ITSN2: variants seen among roughly 807,000 people sequenced by gnomAD.
The protein encoded by ITSN2 is intersectin-2.
ITSN2 carries 156 observed loss-of-function variants against 243.7 expected under a neutral mutation model. The ratio of observed to expected loss-of-function variants is 0.64; its 90% CI spans 0.56 to 0.73. The LOEUF is 0.73. Among genes scored for constraint, ITSN2 ranks in the 30% least tolerant of loss-of-function variants. The pLI is 0.00. For missense variants in ITSN2, 1,801 were observed against 1,996.1 expected, an observed-to-expected ratio of 0.90 and a Z score of 1.86; for synonymous variants, 703 against 699.9, an observed-to-expected ratio of 1.00 and a Z score of -0.07.
At chr2:24,304,032 C>T (rs1558589839) in intron 8 of ITSN2, among the ~76,000 whole-genome samples, 170 bp from the exon 9 acceptor site, 1 of 152,246 alleles carries the variant, frequency 6.6e-6, no homozygotes, top group East Asian at 1.9e-4. Context: ...GCAATTAAAC[C>T]CAGTCACTGC....
chr2:24,325,887 AAGT>A (rs563502522), intron 2 of ITSN2, among the ~76,000 whole-genome samples: 3 of 152,084 alleles, frequency 2.0e-5, no homozygotes, highest in Non-Finnish European at 2.9e-5. Flanking sequence ...CTCATTCAGT[AAGT>A]AGTCTCATCT....
At chr2:24,326,830 T>C (rs1685206901) in intron 2 of ITSN2, 1 of 168,426 alleles carries the variant, frequency 5.9e-6, no homozygotes, top group African/African-American at 2.4e-5. Context: ...CATAAAACTT[T>C]AGATATACAA....
At chr2:24,280,026 C>A (rs997155759) in intron 17 of ITSN2, among the ~76,000 whole-genome samples, 1 of 152,126 alleles carries the variant, frequency 6.6e-6, no homozygotes, top group Non-Finnish European at 1.5e-5. Flanking sequence ...GCCACAGTAC[C>A]TGGCCAGATG....
At chr2:24,222,668 CTTTTTTTTTTTT>C (rs56149622) in intron 29 of ITSN2, among the ~76,000 whole-genome samples, 9 of 77,268 alleles carry the variant, frequency 1.2e-4, no homozygotes, top group South Asian at 4.8e-4. Flanking sequence ...TTTTTCTTTT[CTTTTTTTTTTTT>C]TTTTTTTTTT....
intron 1 of ITSN2, among the ~76,000 whole-genome samples, chr2:24,347,035 T>C (rs1687601515): frequency 6.6e-6 from 1 of 152,048 alleles, no homozygotes; most frequent in African/African-American, 2.4e-5. Flanking sequence ...CAGCTAATTT[T>C]TTTTGTACTA....
chr2:24,308,753 T>C lies in ITSN2; in HGVS notation c.657A>G (p.Ser219=). The part of the protein sequence containing the change: ...QSLIDLGSSS[S]TSSTASLSGN... ...CTGAGAGTGAAGCAGTCGAGGAAGTTGAGCTATAAAAAAATTTATTTAAAA... is the reference window on the plus strand; with the variant it reads ...CTGAGAGTGAAGCAGTCGAGGAAGTCGAGCTATAAAAAAATTTATTTAAAA... Residue 219 remains serine, a synonymous_variant, in exon 8 of 40, where the codon TCA becomes TCG. Coordinates refer to ENST00000355123, the MANE Select transcript of ITSN2 (RefSeq NM_006277.3). The C allele has an allele frequency of 7.2e-7, 1 of 1,397,374 alleles. No individual in the cohort carries two copies. Among genetic ancestry groups the C allele is most frequent in the Non-Finnish European group, 9.4e-7 (1 of 1,069,232 alleles). 86.6% of individuals were successfully genotyped at this position (1,397,374 alleles called of 1,614,324 possible). A position where few individuals can be genotyped will look rare whatever the true frequency, so the allele number is the denominator to read the frequency against.
chr2:24,295,202 T>C (rs1248598652), intron 14 of ITSN2, among the ~76,000 whole-genome samples: 1 of 152,234 alleles, frequency 6.6e-6, no homozygotes, highest in Non-Finnish European at 1.5e-5. Flanking sequence ...AGTAGGTCTA[T>C]GGACTTCCTG....
chr2:24,209,774 C>A, intron 35 of ITSN2, 44 bp downstream of exon 35: 3 of 1,466,186 alleles, frequency 2.0e-6, no homozygotes, highest in Admixed American at 1.7e-5. Context: ...AGAGGCAACA[C>A]CTCATTAGGC....
chr2:24,334,472 A>T, intron 1 of ITSN2: 1 of 642,160 alleles, frequency 1.6e-6, no homozygotes, highest in Non-Finnish European at 2.9e-6. Context: ...TTACAGAAAG[A>T]ATTACAATTA....
intron 2 of ITSN2, among the ~76,000 whole-genome samples, chr2:24,318,183 T>C (rs1055539927): frequency 9.9e-5 from 15 of 152,198 alleles, no homozygotes; most frequent in Non-Finnish European, 2.9e-5. Context: ...GGTCTCACTC[T>C]GTTGCCCAGG....
intron 1 of ITSN2, chr2:24,334,504 AT>A (rs1431770607): frequency 3.2e-5 from 23 of 726,650 alleles, no homozygotes; most frequent in Admixed American, 8.8e-5. Flanking sequence ...AATAGCGCTC[AT>A]GCAAACATGG....
chr2:24,306,316 ACCT>A (rs1283363820), intron 8 of ITSN2, among the ~76,000 whole-genome samples: 2 of 152,064 alleles, frequency 1.3e-5, no homozygotes, highest in Non-Finnish European at 2.9e-5. Context: ...GCACATACAC[ACCT>A]GTATCAAGAT....
chr2:24,272,025 C>T (rs1333094792), intron 18 of ITSN2, 84 bp from the exon 19 acceptor site: 1 of 1,165,492 alleles, frequency 8.6e-7, no homozygotes, highest in Non-Finnish European at 1.2e-6. Context: ...TGGTTCCTGT[C>T]AAGGTGAAGA....
At chr2:24,236,681 T>C (rs1672196021) in intron 29 of ITSN2, among the ~76,000 whole-genome samples, 1 of 149,602 alleles carries the variant, frequency 6.7e-6, no homozygotes, top group Non-Finnish European at 1.5e-5. Flanking sequence ...TTCTTTTTTT[T>C]TTTTTGGACA....
chr2:24,204,335 A>C lies in ITSN2; in HGVS notation c.4846T>G (p.Trp1616Gly). ...RTIQDTLNPK[W>G]NFNCQFFIKD... Reference sequence around the variant, plus strand: ...ATAAAGAACTGGCAGTTAAAATTCCACTTGGGATTGAGTGTGTCCTGGATG... The same window carrying C: ...ATAAAGAACTGGCAGTTAAAATTCCCCTTGGGATTGAGTGTGTCCTGGATG... The change falls in exon 39 of 40, where the codon TGG becomes GGG. Residue 1616 changes from tryptophan (W) to glycine (G), a missense_variant. By Grantham distance (184) the Trp-to-Gly change is radical (BLOSUM62 -2). This residue lies in a region of ITSN2 where 928 missense variants were observed against 1,065.4 expected (regional missense o/e 0.87). Coordinates refer to ENST00000355123, the MANE Select transcript of ITSN2 (RefSeq NM_006277.3). The surrounding 1 kb of genome is among the most constrained non-coding windows in gnomAD (Gnocchi z 5.1). 1 of 1,614,090 alleles carries C rather than the reference A, an allele frequency of 6.2e-7. No individual in the cohort carries two copies. The highest frequency in any genetic ancestry group is 8.5e-7 in the Non-Finnish European group (1 of 1,179,986).
intron 2 of ITSN2, among the ~76,000 whole-genome samples, chr2:24,317,402 C>T (rs537458828): frequency 4.7e-5 from 7 of 148,516 alleles, no homozygotes; most frequent in Admixed American, 1.3e-4. Flanking sequence ...AAAAAAAAAG[C>T]GGCAACTATC....
At chr2:24,247,174 G>A (rs1673488776) in intron 27 of ITSN2, among the ~76,000 whole-genome samples, 1 of 152,092 alleles carries the variant, frequency 6.6e-6, no homozygotes, top group Non-Finnish European at 1.5e-5. Flanking sequence ...ACCTTGGTAG[G>A]GGATGGAGAC....
chr2:24,253,613 C>G (rs1674638439), intron 24 of ITSN2, among the ~76,000 whole-genome samples: 1 of 152,226 alleles, frequency 6.6e-6, no homozygotes, highest in Non-Finnish European at 1.5e-5. Context: ...GTTTTGTTCG[C>G]TCATTAAAGA....
chr2:24,204,297 G>C lies in ITSN2; in HGVS notation c.4884C>G (p.Tyr1628Ter). ...FNCQFFIKDL[Y>*]QDVLCLTLFD... is the part of the protein sequence containing the mutation. ...ACAGGGTGAGACACAGCACGTCTTG[G>C]TAGAGATCCTTAATAAAGAACTGGC... The change falls in exon 39 of 40, where the codon TAC (tyrosine) becomes TAG (stop). Residue 1628 changes from tyrosine to a stop codon, truncating the protein, a stop_gained. Transcript: ENST00000355123. LOFTEE classifies it high-confidence loss of function. This position sits in a 1 kb window ranked among gnomAD's most constrained non-coding sequence, Gnocchi z 5.1. The C allele has an allele frequency of 6.2e-7, 1 of 1,614,146 alleles. No individual in the cohort carries two copies. Among genetic ancestry groups the C allele is most frequent in the Non-Finnish European group, 8.5e-7 (1 of 1,180,014 alleles).
Sources: allele counts gnomAD v4.1 joint callset (sites outside exome capture counted in the v4.1 genomes callset), GRCh38; gene constraint gnomAD v4.1.1; regional missense constraint gnomAD v4.1.1; non-coding constraint Gnocchi (gnomAD v3.1); transcripts MANE v1.5; gene names NCBI Gene and HGNC (gene_info 2026-07-23, HGNC 2026-07-21).